MAML3: variants seen among roughly 807,000 people sequenced by gnomAD.
MAML3 encodes the protein mastermind-like protein 3.
Under a neutral mutation model 101.9 loss-of-function variants are expected in MAML3, and 27 were observed. The observed-to-expected ratio is 0.27, with a 90% CI of 0.20 to 0.37. The LOEUF is 0.37. Ranked by LOEUF, MAML3 falls within the 10% of genes least tolerant of loss-of-function variation. The pLI, the probability that MAML3 is intolerant of heterozygous loss-of-function variation, is 1.00. For synonymous variants in MAML3, 501 were observed against 555.9 expected, an observed-to-expected ratio of 0.90 and a Z score of 1.39; for missense variants, 1,316 against 1,444.9, an observed-to-expected ratio of 0.91 and a Z score of 1.45.
At chr4:139,955,496 T>C (rs184262804) in intron 1 of MAML3, among the ~76,000 whole-genome samples, 141 of 152,286 alleles carry the variant, frequency 9.3e-4, no homozygotes, top group Admixed American at 1.2e-3. Flanking sequence ...ATTACAATTG[T>C]TTCTTTCTTC....
intron 2 of MAML3, among the ~76,000 whole-genome samples, chr4:139,846,263 G>A (rs1285767952): frequency 6.6e-6 from 1 of 152,042 alleles, no homozygotes; most frequent in East Asian, 1.9e-4. Flanking sequence ...ACATATTTTT[G>A]TCTGTAAGAG....
Position 139,718,245 on chromosome 4 carries a change from G to A in MAML3, c.*1078C>T, listed in dbSNP as rs560529360. 3.3e-5 allele frequency: 5 copies of A among 152,306 alleles called. No homozygotes were observed. The highest frequency in any genetic ancestry group is 7.3e-5 in the Non-Finnish European group (5 of 68,028). The allele number at this position is 152,306 out of a possible 1,614,324, so 9.4% of individuals were successfully genotyped here. A position where few individuals can be genotyped will look rare whatever the true frequency, so the allele number is the denominator to read the frequency against. ...GGTTCCAGGCAGATATTCATTCAAC[G>A]CTACACGTTAGAGAAAGAAGACTCC... On this transcript the variant is annotated 3_prime_UTR_variant, in exon 5 of 5. Coordinates refer to ENST00000509479, the MANE Select transcript of MAML3 (RefSeq NM_018717.5).
intron 2 of MAML3, among the ~76,000 whole-genome samples, chr4:139,796,514 C>T (rs2111097409): frequency 1.3e-5 from 2 of 152,258 alleles, no homozygotes; most frequent in South Asian, 4.1e-4. Context: ...TTTAAATGTC[C>T]TCCAGGCTAG....
At chr4:139,954,753 C>T (rs1279327341) in intron 1 of MAML3, among the ~76,000 whole-genome samples, 1 of 152,064 alleles carries the variant, frequency 6.6e-6, no homozygotes, top group Non-Finnish European at 1.5e-5. Flanking sequence ...CTACTAGGCT[C>T]GAGGAATCCT....
At chr4:139,921,271 C>T (rs1359174951) in intron 1 of MAML3, among the ~76,000 whole-genome samples, 9 of 152,196 alleles carry the variant, frequency 5.9e-5, no homozygotes, top group Non-Finnish European at 5.9e-5. Flanking sequence ...ATTTTCCTTT[C>T]CAGCTTCTGG....
chr4:139,785,011 T>C lies in MAML3; in HGVS notation c.2080-54344A>G, dbSNP rs1241942256. ...ATGTACATACCTTATTCGGGTGATG[T>C]ATACACTAAAAGCCCAGATTTCATC... On this transcript the variant is annotated intron_variant, in intron 2 of 4. Coordinates refer to ENST00000509479, the MANE Select transcript of MAML3 (RefSeq NM_018717.5). This position sits in a 1 kb window ranked among gnomAD's most constrained non-coding sequence, Gnocchi z 4.3. 6.6e-6 allele frequency among the ~76,000 whole-genome samples: 1 copy of C among 152,240 alleles called. No individual in the cohort carries two copies. Among genetic ancestry groups the C allele is most frequent in the African/African-American group, 2.4e-5 (1 of 41,456 alleles).
chr4:139,805,491 G>A (rs1406826053), intron 2 of MAML3, among the ~76,000 whole-genome samples: 1 of 152,118 alleles, frequency 6.6e-6, no homozygotes, highest in Non-Finnish European at 1.5e-5. Flanking sequence ...ACTTTGCAAT[G>A]ATTTCAGAAA....
At chr4:140,085,520 GAT>G (rs1727937638) in intron 1 of MAML3, among the ~76,000 whole-genome samples, 1 of 152,168 alleles carries the variant, frequency 6.6e-6, no homozygotes, top group Non-Finnish European at 1.5e-5. Context: ...GAAAACAAAT[GAT>G]AGATACCTGC....
At chr4:139,867,900 C>T (rs1307376403) in intron 2 of MAML3, among the ~76,000 whole-genome samples, 1 of 152,218 alleles carries the variant, frequency 6.6e-6, no homozygotes, top group Admixed American at 6.5e-5. Context: ...GCCTGGCTGC[C>T]CCGGGACTCT....
At chr4:140,125,052 G>A (rs937898035) in intron 1 of MAML3, among the ~76,000 whole-genome samples, 3 of 152,068 alleles carry the variant, frequency 2.0e-5, no homozygotes, top group Non-Finnish European at 2.9e-5. Flanking sequence ...TTTGAGCATC[G>A]ACTTTGGTTT....
At chr4:139,800,230 T>A (rs1392946995) in intron 2 of MAML3, among the ~76,000 whole-genome samples, 1 of 152,008 alleles carries the variant, frequency 6.6e-6, no homozygotes, top group Non-Finnish European at 1.5e-5. Flanking sequence ...ATGAATGCAG[T>A]GATTTAGGAG....
chr4:139,757,355 G>T (rs548235019), intron 2 of MAML3, among the ~76,000 whole-genome samples: 1 of 152,180 alleles, frequency 6.6e-6, no homozygotes, highest in Admixed American at 6.5e-5. Context: ...AGCAGGGTAA[G>T]AATCCTATTC....
At chr4:140,048,533 G>C (rs955722847) in intron 1 of MAML3, among the ~76,000 whole-genome samples, 2 of 152,040 alleles carry the variant, frequency 1.3e-5, no homozygotes, top group African/African-American at 4.8e-5. Flanking sequence ...AACTTAACTG[G>C]AATCTGTTTT....
At chr4:139,761,766 G>A (rs1729764554) in intron 2 of MAML3, among the ~76,000 whole-genome samples, 3 of 152,108 alleles carry the variant, frequency 2.0e-5, no homozygotes. Context: ...AGATTAGCAC[G>A]GGGGACTCTG....
chr4:139,811,877 G>A (rs533175346), intron 2 of MAML3, among the ~76,000 whole-genome samples: 1 of 152,332 alleles, frequency 6.6e-6, no homozygotes, highest in African/African-American at 2.4e-5. Context: ...GTGGATGAAT[G>A]TGTGGTAACT....
chr4:139,817,899 G>T (rs968973925), intron 2 of MAML3, among the ~76,000 whole-genome samples: 5 of 152,192 alleles, frequency 3.3e-5, no homozygotes, highest in African/African-American at 1.2e-4. Context: ...CTCACTTACT[G>T]CTTCTTGTAG....
chr4:140,046,341 C>T (rs902568742), intron 1 of MAML3, among the ~76,000 whole-genome samples: 2 of 152,154 alleles, frequency 1.3e-5, no homozygotes, highest in African/African-American at 4.8e-5. Flanking sequence ...AATCTCGTCT[C>T]CCCACCAACC....
At chr4:140,138,020 A>C (rs1728923139) in intron 1 of MAML3, among the ~76,000 whole-genome samples, 1 of 152,364 alleles carries the variant, frequency 6.6e-6, no homozygotes, top group Admixed American at 6.5e-5. Flanking sequence ...AAAGCCCCTG[A>C]ATGATTCATA....
Position 139,772,240 on chromosome 4 carries a change from CAAAAA to C in MAML3, c.2080-41578_2080-41574del, listed in dbSNP as rs1213721738. ...GGGTGACAGAGCGAGACTCCGTTCT[CAAAAA>C]AAAAAAAAAAAAAAAAAAAAAAGGT... On this transcript the variant is annotated intron_variant, in intron 2 of 4. Transcript: ENST00000509479. 6.9e-4 allele frequency among the ~76,000 whole-genome samples: 27 copies of C among 39,266 alleles called. No homozygotes were observed. The South Asian group carries it at 0.023, about 33-fold the overall frequency. The allele number at this position is 39,266 out of a possible 152,430, so 25.8% of individuals were successfully genotyped here. A position where few individuals can be genotyped will look rare whatever the true frequency, so the allele number is the denominator to read the frequency against.
Sources: allele counts gnomAD v4.1 joint callset (sites outside exome capture counted in the v4.1 genomes callset), GRCh38; gene constraint gnomAD v4.1.1; non-coding constraint Gnocchi (gnomAD v3.1); transcripts MANE v1.5; gene names NCBI Gene and HGNC (gene_info 2026-07-23, HGNC 2026-07-21).